CCSER1: variants seen among roughly 807,000 people sequenced by gnomAD.
CCSER1 encodes the protein coiled-coil serine rich protein 1, also known as serine-rich coiled-coil domain-containing protein 1.
Under a neutral mutation model 82.0 loss-of-function variants are expected in CCSER1, and 41 were observed. The observed-to-expected ratio is 0.50, with a 90% CI of 0.39 to 0.65. The LOEUF (loss-of-function observed/expected upper bound fraction) is 0.65, where lower values mean the gene tolerates loss of function less well. Among genes scored for constraint, CCSER1 ranks in the 30% least tolerant of loss-of-function variants. The pLI is 0.00. For missense variants in CCSER1, 1,119 were observed against 1,064.2 expected (o/e 1.05, Z -0.72); for synonymous variants, 414 against 383.9 (o/e 1.08, Z -0.92).
At chr4:91,586,769 T>C (rs1578860657) in intron 10 of CCSER1, among the ~76,000 whole-genome samples, 1 of 151,722 alleles carries the variant, frequency 6.6e-6, no homozygotes, top group African/African-American at 2.4e-5. Flanking sequence ...TCACTAAATC[T>C]GGTCATGACT....
chr4:91,202,198 A>G (rs970683736), intron 10 of CCSER1, among the ~76,000 whole-genome samples: 5 of 150,538 alleles, frequency 3.3e-5, no homozygotes, highest in Non-Finnish European at 5.9e-5. Flanking sequence ...AAAAAAGGCC[A>G]AAGTGTTGGG....
intron 5 of CCSER1, among the ~76,000 whole-genome samples, chr4:90,537,515 A>G (rs1775563596): frequency 6.6e-6 from 1 of 151,862 alleles, no homozygotes; most frequent in Admixed American, 6.6e-5. Flanking sequence ...TTTTGTTTGT[A>G]AATTTTGAAT....
chr4:90,200,995 A>C (rs567454348), intron 1 of CCSER1, among the ~76,000 whole-genome samples: 2 of 152,226 alleles, frequency 1.3e-5, no homozygotes, highest in Non-Finnish European at 2.9e-5. Flanking sequence ...TATCCCAAAG[A>C]GACACTCCAG....
intron 3 of CCSER1, among the ~76,000 whole-genome samples, chr4:90,388,264 A>C (rs1436449756): frequency 6.6e-6 from 1 of 151,928 alleles, no homozygotes; most frequent in African/African-American, 2.4e-5. Flanking sequence ...ATTTGACACA[A>C]GAGTGACATA....
chr4:90,488,732 C>G (rs2153603024), intron 5 of CCSER1, among the ~76,000 whole-genome samples: 1 of 152,252 alleles, frequency 6.6e-6, no homozygotes, highest in East Asian at 1.9e-4. Flanking sequence ...AGAATGCTCG[C>G]TCTGAACATA....
At chr4:91,399,582 G>C (rs760154224) in intron 10 of CCSER1, among the ~76,000 whole-genome samples, 1 of 151,830 alleles carries the variant, frequency 6.6e-6, no homozygotes, top group Non-Finnish European at 1.5e-5. Context: ...CTGCTCCCAG[G>C]GTTTTAGTTT....
At chr4:90,173,480 A>G (rs1732113714) in intron 1 of CCSER1, among the ~76,000 whole-genome samples, 1 of 152,032 alleles carries the variant, frequency 6.6e-6, no homozygotes, top group South Asian at 2.1e-4. Flanking sequence ...ATTAAGCTCA[A>G]TTGAATTGAC....
intron 10 of CCSER1, among the ~76,000 whole-genome samples, chr4:91,368,717 C>T (rs1293355997): frequency 1.3e-5 from 2 of 151,364 alleles, no homozygotes; most frequent in Admixed American, 1.3e-4. Context: ...ATTTCATTTA[C>T]TTTAATCAGT....
intron 9 of CCSER1, among the ~76,000 whole-genome samples, chr4:91,072,603 A>G (rs1248848927): frequency 6.6e-6 from 1 of 152,132 alleles, no homozygotes; most frequent in Non-Finnish European, 1.5e-5. Context: ...TTATCTCAAC[A>G]CACATAAAAA....
intron 6 of CCSER1, among the ~76,000 whole-genome samples, chr4:90,720,546 A>G (rs1445691950): frequency 6.6e-6 from 1 of 151,992 alleles, no homozygotes; most frequent in Non-Finnish European, 1.5e-5. Flanking sequence ...TTGTTTTTGC[A>G]TTTGCAAGAT....
chr4:90,919,825 T>C (rs1728111348), intron 8 of CCSER1, among the ~76,000 whole-genome samples: 1 of 151,954 alleles, frequency 6.6e-6, no homozygotes, highest in African/African-American at 2.4e-5. Context: ...ACAAAATCTG[T>C]CACTTTCATC....
chr4:90,278,457 A>C (rs2153458978), intron 1 of CCSER1, among the ~76,000 whole-genome samples: 1 of 152,264 alleles, frequency 6.6e-6, no homozygotes, highest in African/African-American at 2.4e-5. Context: ...TTGGATAAAG[A>C]AAATGTGGTC....
At chr4:90,339,786 C>T (rs529913683) in intron 3 of CCSER1, among the ~76,000 whole-genome samples, 28 of 152,124 alleles carry the variant, frequency 1.8e-4, no homozygotes, top group African/African-American at 6.5e-4. Flanking sequence ...CTTTACCATG[C>T]TTCCTTTTTT....
intron 1 of CCSER1, among the ~76,000 whole-genome samples, chr4:90,162,796 G>A (rs997199683): frequency 4.6e-5 from 7 of 151,948 alleles, no homozygotes; most frequent in African/African-American, 1.7e-4. Context: ...TAGCCTTGTG[G>A]GATTCTTATC....
chr4:91,221,280 G>A (rs74358428), intron 10 of CCSER1, among the ~76,000 whole-genome samples: 2 of 151,976 alleles, frequency 1.3e-5, no homozygotes, highest in Non-Finnish European at 2.9e-5. Context: ...ATTTGATTAT[G>A]TGTAAGAAAT....
rs62310988 is a variant in CCSER1 at position 91,037,259 on chromosome 4, T to C, written c.2173-48691T>C. On this transcript the variant is annotated intron_variant, in intron 9 of 10. Transcript: ENST00000509176. The stretch of plus-strand genomic sequence containing the variant: ...ACACACACACACACACACACACACA[T>C]ACATACACACACACACACACACATA... 3.8e-3 allele frequency among the ~76,000 whole-genome samples: 269 copies of C among 70,400 alleles called. 1 individual carries two copies. Among genetic ancestry groups the C allele is most frequent in the South Asian group, 9.9e-3 (23 of 2,322 alleles). The allele number at this position is 70,400 out of a possible 152,430, so 46.2% of individuals were successfully genotyped here.
intron 4 of CCSER1, among the ~76,000 whole-genome samples, chr4:90,466,134 G>A (rs1293063497): frequency 6.6e-6 from 1 of 152,148 alleles, no homozygotes; most frequent in East Asian, 1.9e-4. Flanking sequence ...TTGGCAAAAA[G>A]GATTTTGCAG....
intron 3 of CCSER1, among the ~76,000 whole-genome samples, chr4:90,394,754 T>C (rs961913072): frequency 7.9e-5 from 12 of 152,198 alleles, no homozygotes; most frequent in African/African-American, 2.9e-4. Flanking sequence ...TTTATACATA[T>C]ATCTTTATTT....
At chr4:91,239,039 TG>T in intron 10 of CCSER1, among the ~76,000 whole-genome samples, 1 of 152,114 alleles carries the variant, frequency 6.6e-6, no homozygotes, top group African/African-American at 2.4e-5. Context: ...TTAGCCAGGA[TG>T]GTCTCGATCT....
Sources: allele counts gnomAD v4.1 joint callset (sites outside exome capture counted in the v4.1 genomes callset), GRCh38; gene constraint gnomAD v4.1.1; transcripts MANE v1.5; gene names NCBI Gene and HGNC (gene_info 2026-07-23, HGNC 2026-07-21).